Variants in TUFT1 observed in about 807,000 individuals in gnomAD.
The protein encoded by TUFT1 is tuftelin 1.
In TUFT1, 43 loss-of-function variants were observed where a neutral mutation model predicts 57.8. The ratio of observed to expected loss-of-function variants is 0.74; its 90% CI spans 0.58 to 0.96. The LOEUF is 0.96. TUFT1 is among the 40% of genes least tolerant of loss of function. TUFT1 has a pLI of 0.00. For synonymous variants in TUFT1, 166 were observed against 176.7 expected, an observed-to-expected ratio of 0.94 and a Z score of 0.48; for missense variants, 459 against 489.0, an observed-to-expected ratio of 0.94 and a Z score of 0.58.
At chr1:151,553,219 G>A (rs1490784365) in intron 1 of TUFT1, among the ~76,000 whole-genome samples, 1 of 152,116 alleles carries the variant, frequency 6.6e-6, no homozygotes, top group African/African-American at 2.4e-5. Context: ...AGCCTCCTGA[G>A]TAGCTGGGAC....
intron 1 of TUFT1, among the ~76,000 whole-genome samples, chr1:151,547,687 A>T (rs1665383028): frequency 6.6e-6 from 1 of 152,188 alleles, no homozygotes; most frequent in African/African-American, 2.4e-5. Context: ...ACTCCCTTTG[A>T]TGCAGAGGGG....
rs1031730200 is a variant in TUFT1 at position 151,582,543 on chromosome 1, T to C, written c.*836T>C. 3.9e-5 allele frequency: 9 copies of C among 232,774 alleles called. No homozygotes were observed. Among genetic ancestry groups the C allele is most frequent in the African/African-American group, 2.0e-4 (9 of 43,920 alleles). 14.4% of individuals were successfully genotyped at this position (232,774 alleles called of 1,614,324 possible). On this transcript the variant is annotated 3_prime_UTR_variant, in exon 13 of 13. Transcript: ENST00000368849. ...TCCTCTTTGTATTTATTTTGCTAAG[T>C]TATTGGTGGTTTTGCTTACATCTCA...
intron 7 of TUFT1, among the ~76,000 whole-genome samples, chr1:151,571,715 G>A (rs1461893284): frequency 1.3e-5 from 2 of 152,162 alleles, no homozygotes; most frequent in African/African-American, 4.8e-5. Context: ...TCTGCACTGA[G>A]AGACATTATG....
At chr1:151,561,417 G>T in intron 1 of TUFT1, 1 of 323,258 alleles carries the variant, frequency 3.1e-6, no homozygotes, top group Non-Finnish European at 4.4e-6. Context: ...GGGAGGCTGA[G>T]GTGGGTGGAT....
Position 151,582,023 on chromosome 1 carries a change from G to T in TUFT1, c.*316G>T. The T allele has an allele frequency of 1.7e-6, 1 of 574,736 alleles. No individual in the cohort carries two copies. Among genetic ancestry groups the T allele is most frequent in the Non-Finnish European group, 3.3e-6 (1 of 305,046 alleles). The allele number at this position is 574,736 out of a possible 1,614,324, so 35.6% of individuals were successfully genotyped here. On this transcript the variant is annotated 3_prime_UTR_variant, in exon 13 of 13. Transcript: ENST00000368849. ...CCCTTCTGTTGTAGACTGGACTCTG[G>T]CTGTGCCATAAGCCAGGCCTTCATC...
intron 1 of TUFT1, chr1:151,557,736 C>G: frequency 1.3e-6 from 1 of 784,866 alleles, no homozygotes; most frequent in Non-Finnish European, 2.3e-6. Flanking sequence ...CTGCAGCCGT[C>G]CAGAGACTGG....
At chr1:151,549,802 G>A (rs6673041) in intron 1 of TUFT1, among the ~76,000 whole-genome samples, 2,543 of 152,182 alleles carry the variant, frequency 0.017, 85 homozygotes, top group African/African-American at 0.058. Flanking sequence ...GCTCACTGCC[G>A]CCTTGACCTT....
chr1:151,556,613 G>A (rs1256248492), intron 1 of TUFT1, among the ~76,000 whole-genome samples: 1 of 152,052 alleles, frequency 6.6e-6, no homozygotes, highest in African/African-American at 2.4e-5. Context: ...GGGCAACTTT[G>A]TTGCCCAGTC....
At chr1:151,564,828 A>ACGGCGACCACCG in intron 5 of TUFT1, 7 of 453,250 alleles carry the variant, frequency 1.5e-5, no homozygotes, top group Middle Eastern at 5.9e-4. Flanking sequence ...GCTTAAACAT[A>ACGGCGACCACCG]AGTACACCTG....
At position 151,569,700 on chromosome 1, in the gene TUFT1, C is replaced by G. The variant is rs41310883; in HGVS notation, c.524C>G (p.Thr175Arg). Reference sequence around the variant, plus strand: ...GAGGATGTTGAGAGCTTGAGGAAGACGGTGCAGGACTTGCTGGCCAAGCTT... The same window carrying G: ...GAGGATGTTGAGAGCTTGAGGAAGAGGGTGCAGGACTTGCTGGCCAAGCTT... The part of the protein sequence containing the change: ...INEDVESLRK[T>R]VQDLLAKLQE... Residue 175 changes from threonine to arginine, a missense_variant, in exon 7 of 13, where the codon ACG becomes AGG. By Grantham distance (71) the Thr-to-Arg change is moderately conservative. Coordinates refer to ENST00000368849, the MANE Select transcript of TUFT1 (RefSeq NM_020127.3). 1.9e-6 allele frequency: 3 copies of G among 1,613,966 alleles called. No homozygotes were observed. Among genetic ancestry groups the G allele is most frequent in the South Asian group, 2.2e-5 (2 of 91,072 alleles).
intron 1 of TUFT1, among the ~76,000 whole-genome samples, chr1:151,546,815 T>TTA (rs1665355851): frequency 6.6e-6 from 1 of 152,232 alleles, no homozygotes; most frequent in African/African-American, 2.4e-5. Flanking sequence ...TGGCTATCAT[T>TTA]TATAATGCTG....
chr1:151,559,517 G>A (rs1482092734), intron 1 of TUFT1, among the ~76,000 whole-genome samples: 7 of 152,210 alleles, frequency 4.6e-5, no homozygotes, highest in African/African-American at 1.7e-4. Flanking sequence ...CACTGAAGTT[G>A]GAAACCATGG....
In TUFT1 at chr1:151,578,772, C is replaced by G; in HGVS notation, c.870C>G (p.His290Gln). ...EVAGLREKIH[H>Q]LDDMLKSQQR... ...CCGGGTTGCGGGAGAAGATCCACCA[C>G]TTGGATGACATGCTCAAGAGCCAGC... The change falls in exon 10 of 13, where the codon CAC becomes CAG. Residue 290 changes from histidine to glutamine, a missense_variant. His to Gln is a conservative substitution (Grantham distance 24, BLOSUM62 0). Transcript: ENST00000368849. The G allele has an allele frequency of 6.3e-7, 1 of 1,584,830 alleles. No homozygotes were observed. Among genetic ancestry groups the G allele is most frequent in the Non-Finnish European group, 8.6e-7 (1 of 1,164,276 alleles).
At chr1:151,540,501 G>C in intron 1 of TUFT1, 75 bp downstream of exon 1, 1 of 1,561,330 alleles carries the variant, frequency 6.4e-7, no homozygotes, top group South Asian at 1.1e-5. Flanking sequence ...CGTGCCCCGC[G>C]CCGTGTTGGC....
At position 151,569,526 on chromosome 1, in the gene TUFT1, T is replaced by G. The variant is rs1666182042; in HGVS notation, c.481-131T>G. On this transcript the variant is annotated intron_variant, in intron 6 of 12. Transcript: ENST00000368849. ...TGCCTAAGGTAACTCTCCCCTTGTG[T>G]GATGACAGTTCTTTTTTGAGGGTGG... 4.0e-5 allele frequency: 28 copies of G among 695,928 alleles called. No homozygotes were observed. In the South Asian group the frequency reaches 4.5e-4, roughly 11 times the overall value. 43.1% of individuals were successfully genotyped at this position (695,928 alleles called of 1,614,324 possible).
chr1:151,556,444 C>T lies in TUFT1; in HGVS notation c.61-5647C>T, dbSNP rs571039426. On this transcript the variant is annotated intron_variant, in intron 1 of 12. Transcript: ENST00000368849. The stretch of plus-strand genomic sequence containing the variant: ...AGCTCCTCTCCTCAGGGTCCTACTC[C>T]GTAGCCCAGGCTGGAGTGCTGTGGT... Among the ~76,000 whole-genome samples, 330 of 151,486 alleles carry T rather than the reference C, an allele frequency of 2.2e-3. 1 individual carries two copies. Among genetic ancestry groups the T allele is most frequent in the African/African-American group, 7.8e-3 (321 of 41,280 alleles).
At chr1:151,579,344 G>A (rs1458719507) in intron 10 of TUFT1, among the ~76,000 whole-genome samples, 1 of 152,166 alleles carries the variant, frequency 6.6e-6, no homozygotes, top group Admixed American at 6.5e-5. Context: ...CAGTCATATA[G>A]TAAGTACTCA....
In TUFT1 at chr1:151,582,196, C is replaced by T; in HGVS notation, c.*489C>T. 2.2e-6 allele frequency: 1 copy of T among 456,724 alleles called. No homozygotes were observed. Among genetic ancestry groups the T allele is most frequent in the African/African-American group, 2.0e-5 (1 of 50,232 alleles). The allele number at this position is 456,724 out of a possible 1,614,324, so 28.3% of individuals were successfully genotyped here. A position where few individuals can be genotyped will look rare whatever the true frequency, so the allele number is the denominator to read the frequency against. On this transcript the variant is annotated 3_prime_UTR_variant, in exon 13 of 13. Coordinates refer to ENST00000368849, the MANE Select transcript of TUFT1 (RefSeq NM_020127.3). ...AACAAACTGTTTGTTTTTCTACTTGCTCCATCTGCAGCCTACGCTGCCCTG... is the reference window on the plus strand; with the variant it reads ...AACAAACTGTTTGTTTTTCTACTTGTTCCATCTGCAGCCTACGCTGCCCTG...
chr1:151,548,771 C>T (rs958977901), intron 1 of TUFT1, among the ~76,000 whole-genome samples: 1 of 152,162 alleles, frequency 6.6e-6, no homozygotes, highest in African/African-American at 2.4e-5. Context: ...GGGCAATCTC[C>T]ACTTCCTTTA....
Sources: gnomAD v4.1 joint callset for allele counts (sites outside exome capture counted in the v4.1 genomes callset) on GRCh38, gnomAD v4.1.1 for gene constraint, MANE v1.5 for transcripts, NCBI Gene and HGNC (gene_info 2026-07-23, HGNC 2026-07-21) for gene names.